TERT: variants seen among roughly 807,000 people sequenced by gnomAD.
The protein encoded by TERT is telomerase catalytic subunit.
TERT carries 42 observed loss-of-function variants against 104.0 expected under a neutral mutation model. The observed-to-expected ratio is 0.40, with a 90% CI of 0.32 to 0.52. TERT has a LOEUF of 0.52. Among genes scored for constraint, TERT ranks in the 20% least tolerant of loss-of-function variants. TERT has a pLI of 0.43. For missense variants in TERT, 1,101 were observed against 1,610.3 expected, an observed-to-expected ratio of 0.68 and a Z score of 5.41; for synonymous variants, 781 against 725.6, an observed-to-expected ratio of 1.08 and a Z score of -1.23.
rs949990325 is a variant in TERT at position 1,270,946 on chromosome 5, C to T, written c.2468+173G>A. Among the ~76,000 whole-genome samples, 4 of 152,214 alleles carry T rather than the reference C, an allele frequency of 2.6e-5. No homozygotes were observed. The highest frequency in any genetic ancestry group is 4.4e-5 in the Non-Finnish European group (3 of 68,044). On this transcript the variant is annotated intron_variant, in intron 8 of 15. Coordinates refer to ENST00000310581, the MANE Select transcript of TERT (RefSeq NM_198253.3). The surrounding 1 kb of genome is among the most constrained non-coding windows in gnomAD (Gnocchi z 8.3). ...GCTGCCGCAAGCCGAGCCATGTTTC[C>T]GGGGCCTCGGGAGCCTGCAGCCCAG...
chr5:1,268,732 A>C lies in TERT; in HGVS notation c.2469-99T>G, dbSNP rs6899038. 12,108 of 759,472 alleles carry C rather than the reference A, an allele frequency of 0.016. 968 individuals are homozygous for C. In the African/African-American group the frequency reaches 0.18, roughly 11 times the overall value. The allele number at this position is 759,472 out of a possible 1,614,324, so 47.0% of individuals were successfully genotyped here. On this transcript the variant is annotated intron_variant, in intron 8 of 15. Coordinates refer to ENST00000310581, the MANE Select transcript of TERT (RefSeq NM_198253.3). The surrounding 1 kb of genome is among the most constrained non-coding windows in gnomAD (Gnocchi z 5.5). ...CACAGACACAGAACCTCATACACAC[A>C]AACGACACGTCTACCATTCAGCCGG...
chr5:1,275,639 A>G (rs1579570378), intron 6 of TERT, among the ~76,000 whole-genome samples: 1 of 152,082 alleles, frequency 6.6e-6, no homozygotes, highest in African/African-American at 2.4e-5. Flanking sequence ...TGGTCTCCTC[A>G]ATAAAGCTGT....
Position 1,256,817 on chromosome 5 carries a change from T to C in TERT, c.3033-1406A>G, listed in dbSNP as rs893290696. ...GAAACACCTAGCATGGGTGAGGGGC[T>C]CTCTTCCAAAGGGAGAAATAGCCAC... On this transcript the variant is annotated intron_variant, in intron 13 of 15. Coordinates refer to ENST00000310581, the MANE Select transcript of TERT (RefSeq NM_198253.3). The surrounding 1 kb of genome is among the most constrained non-coding windows in gnomAD (Gnocchi z 7.0). 6.6e-6 allele frequency among the ~76,000 whole-genome samples: 1 copy of C among 152,114 alleles called. No homozygotes were observed. Among genetic ancestry groups the C allele is most frequent in the African/African-American group, 2.4e-5 (1 of 41,414 alleles).
rs1748333263 is a variant in TERT, at chr5:1,262,928, T to A, written c.2843+1476A>T. Among the ~76,000 whole-genome samples the A allele has an allele frequency of 6.6e-6, 1 of 152,014 alleles. No homozygotes were observed. The highest frequency in any genetic ancestry group is 2.4e-5 in the African/African-American group (1 of 41,386). ...AGAGGTGCTGGGAGCCCAGGAAATG[T>A]GGAAATCATGCAGACAAAGCCAGTG... On this transcript the variant is annotated intron_variant, in intron 11 of 15. Coordinates refer to ENST00000310581, the MANE Select transcript of TERT (RefSeq NM_198253.3). This position sits in a 1 kb window ranked among gnomAD's most constrained non-coding sequence, Gnocchi z 5.6.
At chr5:1,271,235 T>C (rs1028017442) in intron 7 of TERT, 31 bp from the exon 8 acceptor site, 2 of 1,549,112 alleles carry the variant, frequency 1.3e-6, no homozygotes, top group South Asian at 1.1e-5. Context: ...CACATGGGAG[T>C]GAGCCGGTGG....
chr5:1,281,125 G>A (rs1347389733), intron 3 of TERT, among the ~76,000 whole-genome samples: 1 of 152,196 alleles, frequency 6.6e-6, no homozygotes. Context: ...ACGTCTGTCT[G>A]CTCCTTCCGG....
rs1160856446 is a variant in TERT at position 1,268,428 on chromosome 5, A to G, written c.2582+92T>C. 1 of 1,000,982 alleles carries G rather than the reference A, an allele frequency of 1.0e-6. No homozygotes were observed. The highest frequency in any genetic ancestry group is 1.5e-6 in the Non-Finnish European group (1 of 650,646). 62.0% of individuals were successfully genotyped at this position (1,000,982 alleles called of 1,614,324 possible). On this transcript the variant is annotated intron_variant, in intron 9 of 15. Transcript: ENST00000310581. The surrounding 1 kb of genome is among the most constrained non-coding windows in gnomAD (Gnocchi z 5.5). ...TCTGGTTCCTCAAGACAGAGCAGTC[A>G]TGGTCTCCAGAGCACCAGGAATATT...
In TERT at chr5:1,254,470, G is replaced by A. The variant is rs1747571212; in HGVS notation, c.3193C>T (p.Leu1065=). ...AGCCACTGCACGGCCTCGGAGGGCA[G>A]AGGGCCGGCGGCGCCCTTGGCCCCC... ...SLGAKGAAGP[L]PSEAVQWLCH... is the part of the protein sequence containing the mutation. The change falls in exon 15 of 16, where the codon CTG becomes TTG. Residue 1065 remains leucine, a synonymous_variant. Transcript: ENST00000310581. 1 of 1,612,874 alleles carries A rather than the reference G, an allele frequency of 6.2e-7. No homozygotes were observed. Among genetic ancestry groups the A allele is most frequent in the Non-Finnish European group, 8.5e-7 (1 of 1,179,908 alleles).
rs2126684365 is a variant in TERT, at chr5:1,293,487, C to A, written c.1399G>T (p.Ala467Ser). 1 of 1,595,412 alleles carries A rather than the reference C, an allele frequency of 6.3e-7. No homozygotes were observed. The highest frequency in any genetic ancestry group is 8.5e-7 in the Non-Finnish European group (1 of 1,171,800). The change falls in exon 2 of 16, where the codon GCC (alanine) becomes TCC (serine). Residue 467 changes from alanine to serine, a missense_variant. Physicochemically the swap from Ala to Ser is moderately conservative, Grantham distance 99. Coordinates refer to ENST00000310581, the MANE Select transcript of TERT (RefSeq NM_198253.3). ...SPWQVYGFVR[A>S]CLRRLVPPGL... ...GGGGGCACCAGCCGGCGCAGGCAGG[C>A]CCGCACGAAGCCGTACACCTGCCAG...
rs2853672 is a variant in TERT at position 1,292,868 on chromosome 5, C to G, written c.1573+445G>C. ...CCTGCATATTGGCTGACCACGTGCA[C>G]CTGCAAAACCCTTACCTCCCACCCC... On this transcript the variant is annotated intron_variant, in intron 2 of 15. Transcript: ENST00000310581. This position sits in a 1 kb window ranked among gnomAD's most constrained non-coding sequence, Gnocchi z 5.5. Among the ~76,000 whole-genome samples the G allele has an allele frequency of 6.6e-6, 1 of 151,986 alleles. No homozygotes were observed. Among genetic ancestry groups the G allele is most frequent in the African/African-American group, 2.4e-5 (1 of 41,372 alleles).
In TERT at chr5:1,274,854, C is replaced by G. The variant is rs141966389; in HGVS notation, c.2287-2574G>C. Among the ~76,000 whole-genome samples, 6 of 152,038 alleles carry G rather than the reference C, an allele frequency of 3.9e-5. No homozygotes were observed. Among genetic ancestry groups the G allele is most frequent in the Non-Finnish European group, 7.4e-5 (5 of 68,026 alleles). On this transcript the variant is annotated intron_variant, in intron 6 of 15. Coordinates refer to ENST00000310581, the MANE Select transcript of TERT (RefSeq NM_198253.3). This position sits in a 1 kb window ranked among gnomAD's most constrained non-coding sequence, Gnocchi z 5.3. ...AATCGAAACTTTTCCTTCAAGGAGC[C>G]GGAAAAACAACAATAAACAAAGCCT... is the stretch of plus-strand genomic sequence containing the variant.
At position 1,294,147 on chromosome 5, in the gene TERT, C is replaced by G. The variant is rs1403395035; in HGVS notation, c.739G>C (p.Glu247Gln). ...RPRRGAAPEP[E>Q]RTPVGQGSWA... ...GACCCCTGCCCAACGGGCGTCCGCT[C>G]CGGCTCAGGGGCAGCGCCACGCCTG... The change falls in exon 2 of 16, where the codon GAG becomes CAG. Residue 247 changes from glutamate to glutamine, a missense_variant. Around this residue, in one of 5 missense-constraint regions of TERT, gnomAD observed 504 missense variants for 544.6 expected, o/e 0.93. Coordinates refer to ENST00000310581, the MANE Select transcript of TERT (RefSeq NM_198253.3). The G allele has an allele frequency of 1.3e-6, 2 of 1,581,576 alleles. No individual in the cohort carries two copies. The highest frequency in any genetic ancestry group is 1.7e-6 in the Non-Finnish European group (2 of 1,166,670).
At chr5:1,289,115 C>A (rs1174100235) in intron 2 of TERT, among the ~76,000 whole-genome samples, 4 of 151,854 alleles carry the variant, frequency 2.6e-5, no homozygotes, top group Non-Finnish European at 5.9e-5. Context: ...GAGACAGGGA[C>A]ACCCAGGGAC....
At chr5:1,279,591 C>T (rs1749875031) in intron 4 of TERT, 121 bp from the exon 5 acceptor site, 1 of 970,658 alleles carries the variant, frequency 1.0e-6, no homozygotes, top group Admixed American at 2.0e-5. Context: ...AGACCCGGGA[C>T]CTAGAACCCC....
rs1363573378 is a variant in TERT, at chr5:1,262,827, G to A, written c.2843+1577C>T. On this transcript the variant is annotated intron_variant, in intron 11 of 15. Coordinates refer to ENST00000310581, the MANE Select transcript of TERT (RefSeq NM_198253.3). This position sits in a 1 kb window ranked among gnomAD's most constrained non-coding sequence, Gnocchi z 5.6. ...GCCTGTCCTAAAAAATACATTTCAT[G>A]GGGAGCAAAATAAGCAGTGGACAGT... Among the ~76,000 whole-genome samples, 1 of 152,236 alleles carries A rather than the reference G, an allele frequency of 6.6e-6. No homozygotes were observed. The highest frequency in any genetic ancestry group is 2.4e-5 in the African/African-American group (1 of 41,456).
At position 1,289,312 on chromosome 5, in the gene TERT, C is replaced by T. The variant is rs1750706885; in HGVS notation, c.1573+4001G>A. The stretch of plus-strand genomic sequence containing the variant: ...CAGGGACGGCGCCTCACTCACCCTA[C>T]ACGTGACAGAGACACCCGGGGACAG... On this transcript the variant is annotated intron_variant, in intron 2 of 15. Transcript: ENST00000310581. Among the ~76,000 whole-genome samples, 4 of 146,410 alleles carry T rather than the reference C, an allele frequency of 2.7e-5. No homozygotes were observed. The South Asian group carries it at 8.9e-4, about 33-fold the overall frequency.
At chr5:1,258,762 A>G in intron 12 of TERT, 103 bp from the exon 13 acceptor site, 1 of 1,016,892 alleles carries the variant, frequency 9.8e-7, no homozygotes. Flanking sequence ...AGAAAGAGGA[A>G]CATTTTGACA....
rs1377632470 is a variant in TERT, at chr5:1,263,290, G to A, written c.2843+1114C>T. ...ACCACTTATTTCTCTTCCCATGAAG[G>A]TGTGCCTTTCAGAGGAAGGCACCCC... On this transcript the variant is annotated intron_variant, in intron 11 of 15. Coordinates refer to ENST00000310581, the MANE Select transcript of TERT (RefSeq NM_198253.3). The surrounding 1 kb of genome is among the most constrained non-coding windows in gnomAD (Gnocchi z 5.3). Among the ~76,000 whole-genome samples the A allele has an allele frequency of 2.0e-5, 3 of 152,098 alleles. No homozygotes were observed. The highest frequency in any genetic ancestry group is 2.0e-4 in the Admixed American group (3 of 15,272).
chr5:1,253,474 G>C lies in TERT; in HGVS notation c.*254C>G. 1.7e-6 allele frequency: 1 copy of C among 580,940 alleles called. No individual in the cohort carries two copies. The allele number at this position is 580,940 out of a possible 1,614,324, so 36.0% of individuals were successfully genotyped here. A position where few individuals can be genotyped will look rare whatever the true frequency, so the allele number is the denominator to read the frequency against. On this transcript the variant is annotated 3_prime_UTR_variant, in exon 16 of 16. Transcript: ENST00000310581. Reference sequence around the variant, plus strand: ...GAAAAGCTGGCCCTGGGGTGGAGCCGAGCGCCAGCCTGTGGGGAAGTGAAG... The same window carrying C: ...GAAAAGCTGGCCCTGGGGTGGAGCCCAGCGCCAGCCTGTGGGGAAGTGAAG...
Sources: allele counts gnomAD v4.1 joint callset (sites outside exome capture counted in the v4.1 genomes callset), GRCh38; gene constraint gnomAD v4.1.1; regional missense constraint gnomAD v4.1.1; non-coding constraint Gnocchi (gnomAD v3.1); transcripts MANE v1.5; gene names NCBI Gene and HGNC (gene_info 2026-07-23, HGNC 2026-07-21).